The following CDH13 variants were observed in gnomAD, a reference collection of about 807,000 sequenced individuals.
CDH13 encodes cadherin 13.
CDH13 carries 24 observed loss-of-function variants against 63.8 expected under a neutral mutation model. That is an observed-to-expected ratio of 0.38 (90% CI 0.27 to 0.53). The LOEUF (loss-of-function observed/expected upper bound fraction) is 0.53, where lower values mean the gene tolerates loss of function less well. Among genes scored for constraint, CDH13 ranks in the 20% least tolerant of loss-of-function variants. The pLI is 0.85. For synonymous variants in CDH13, 503 were observed against 355.3 expected (o/e 1.42, Z -4.67); for missense variants, 1,049 against 903.1 (o/e 1.16, Z -2.07).
intron 5 of CDH13, among the ~76,000 whole-genome samples, chr16:83,294,706 A>C (rs2089547976): frequency 6.6e-6 from 1 of 152,122 alleles, no homozygotes; most frequent in African/African-American, 2.4e-5. Context: ...TGAAAACTAT[A>C]AAACACTGAT....
At chr16:82,844,364 G>A (rs760940065) in intron 1 of CDH13, 1 of 152,152 alleles carries the variant, frequency 6.6e-6, no homozygotes, top group East Asian at 2.0e-4. Context: ...AACTCTGGGA[G>A]GCTGAGGCAG....
intron 1 of CDH13, among the ~76,000 whole-genome samples, chr16:82,686,791 T>C (rs1170890006): frequency 2.0e-5 from 3 of 152,050 alleles, no homozygotes; most frequent in African/African-American, 7.2e-5. Flanking sequence ...TGATGTTGAG[T>C]AATCATTTTG....
chr16:83,313,199 C>CAGCCCTTTCTTA (rs1458383248), intron 5 of CDH13, among the ~76,000 whole-genome samples: 1 of 152,174 alleles, frequency 6.6e-6, no homozygotes, highest in Non-Finnish European at 1.5e-5. Context: ...GAATAAATGA[C>CAGCCCTTTCTTA]AGCCCTTTCT....
chr16:83,595,166 G>T (rs1300665175), intron 7 of CDH13, among the ~76,000 whole-genome samples: 3 of 152,198 alleles, frequency 2.0e-5, no homozygotes, highest in Non-Finnish European at 4.4e-5. Context: ...TTTTGACACA[G>T]TGCATTTCTT....
intron 3 of CDH13, among the ~76,000 whole-genome samples, chr16:83,086,613 T>G (rs971266900): frequency 2.6e-5 from 4 of 152,246 alleles, no homozygotes; most frequent in Non-Finnish European, 5.9e-5. Flanking sequence ...TATCCTGACA[T>G]TGCTGTTTTG....
rs562426932 is a variant in CDH13 at position 83,565,344 on chromosome 16, C to T, written c.961-37110C>T. Among the ~76,000 whole-genome samples the T allele has an allele frequency of 8.1e-4, 123 of 151,800 alleles. 1 individual carries two copies. The highest frequency in any genetic ancestry group is 7.4e-5 in the Non-Finnish European group (5 of 67,990). ...TCTCCCCAGCCCTGACAACCCTGACCTCACATGCCCTTGGGATTTCCGTTC... is the reference window on the plus strand; with the variant it reads ...TCTCCCCAGCCCTGACAACCCTGACTTCACATGCCCTTGGGATTTCCGTTC... On this transcript the variant is annotated intron_variant, in intron 7 of 13. Coordinates refer to ENST00000567109, the MANE Select transcript of CDH13 (RefSeq NM_001257.5).
chr16:83,529,313 G>A (rs1022386057), intron 7 of CDH13, among the ~76,000 whole-genome samples: 1 of 151,996 alleles, frequency 6.6e-6, no homozygotes, highest in African/African-American at 2.4e-5. Flanking sequence ...TTTGTCTTTT[G>A]CCCAGAAATT....
chr16:83,255,174 G>T (rs1906104317), intron 5 of CDH13, among the ~76,000 whole-genome samples: 1 of 152,096 alleles, frequency 6.6e-6, no homozygotes, highest in Non-Finnish European at 1.5e-5. Flanking sequence ...AAAAGGCTGA[G>T]AATTCAGTCC....
chr16:83,433,480 T>C (rs953698512), intron 6 of CDH13, among the ~76,000 whole-genome samples: 5 of 152,188 alleles, frequency 3.3e-5, no homozygotes, highest in Non-Finnish European at 5.9e-5. Context: ...AATGACCCCA[T>C]GTAAAGAGCA....
At chr16:83,566,126 G>C (rs1904278277) in intron 7 of CDH13, among the ~76,000 whole-genome samples, 1 of 152,102 alleles carries the variant, frequency 6.6e-6, no homozygotes, top group Non-Finnish European at 1.5e-5. Context: ...GGTATGTTGG[G>C]CTCTAAATTG....
At chr16:83,790,393 TTTTTGTTTTG>T (rs747676732) in intron 13 of CDH13, among the ~76,000 whole-genome samples, 6 of 152,106 alleles carry the variant, frequency 3.9e-5, no homozygotes, top group African/African-American at 1.2e-4. Context: ...CTGTCAGTTT[TTTTTGTTTTG>T]TTTTGTTTTG....
chr16:82,791,329 C>G (rs55855729), intron 1 of CDH13, among the ~76,000 whole-genome samples: 30,024 of 151,750 alleles, frequency 0.2, 3,688 homozygotes, highest in South Asian at 0.37. Flanking sequence ...CAGCTCACAC[C>G]CAACAAATCA....
chr16:83,789,061 C>T (rs954524583), intron 13 of CDH13, among the ~76,000 whole-genome samples: 2 of 152,166 alleles, frequency 1.3e-5, no homozygotes, highest in African/African-American at 4.8e-5. Context: ...TCATGATTTA[C>T]GTTTTATTAT....
intron 1 of CDH13, among the ~76,000 whole-genome samples, chr16:82,663,906 C>G (rs1423352522): frequency 6.6e-6 from 1 of 152,194 alleles, no homozygotes; most frequent in Non-Finnish European, 1.5e-5. Context: ...TCTCTACCCT[C>G]CCTCCTCCTA....
intron 1 of CDH13, among the ~76,000 whole-genome samples, chr16:82,806,233 C>T (rs554289577): frequency 6.6e-6 from 1 of 152,296 alleles, no homozygotes; most frequent in African/African-American, 2.4e-5. Flanking sequence ...GCCCTTGTCC[C>T]TTCATAATAA....
chr16:83,507,895 G>A (rs374457036), intron 7 of CDH13, among the ~76,000 whole-genome samples: 3 of 151,546 alleles, frequency 2.0e-5, no homozygotes, highest in East Asian at 3.9e-4. Context: ...AGCAGTCCGT[G>A]GTGGCGGGCG....
At chr16:83,790,513 C>A (rs1367950410) in intron 13 of CDH13, among the ~76,000 whole-genome samples, 2 of 152,208 alleles carry the variant, frequency 1.3e-5, no homozygotes, top group Non-Finnish European at 2.9e-5. Context: ...CATTCTCCTG[C>A]CTCAGCCTCC....
At chr16:83,268,301 A>C (rs770018308) in intron 5 of CDH13, among the ~76,000 whole-genome samples, 3 of 152,212 alleles carry the variant, frequency 2.0e-5, no homozygotes, top group Non-Finnish European at 4.4e-5. Flanking sequence ...CAGAAGATCA[A>C]CTGGACAGTT....
At chr16:83,033,316 G>T (rs35444894) in intron 3 of CDH13, among the ~76,000 whole-genome samples, 1 of 151,360 alleles carries the variant, frequency 6.6e-6, no homozygotes, top group East Asian at 1.9e-4. Flanking sequence ...ATATATATAC[G>T]GTGTATATGT....
Sources: gnomAD v4.1 joint callset for allele counts (sites outside exome capture counted in the v4.1 genomes callset) on GRCh38, gnomAD v4.1.1 for gene constraint, MANE v1.5 for transcripts, NCBI Gene and HGNC (gene_info 2026-07-23, HGNC 2026-07-21) for gene names.